Variants in IQCM observed in about 807,000 individuals in gnomAD.
IQCM encodes IQ motif containing M, also known as IQ domain-containing protein M.
Under a neutral mutation model 57.6 loss-of-function variants are expected in IQCM, and 45 were observed. The observed-to-expected ratio is 0.78, with a 90% CI of 0.62 to 1.00. The LOEUF (loss-of-function observed/expected upper bound fraction) is 1.00. Among genes scored for constraint, IQCM ranks in the 50% least tolerant of loss-of-function variants. The probability of loss-of-function intolerance (pLI) is 0.00; values close to 1 mark genes in which losing one functional copy is unlikely to be tolerated. For synonymous variants in IQCM, 148 were observed against 158.9 expected (o/e 0.93, Z 0.51); for missense variants, 468 against 511.6 (o/e 0.91, Z 0.82).
At position 149,589,475 on chromosome 4, in the gene IQCM, C is replaced by T. The variant is rs1752926239; in HGVS notation, c.682-1478G>A. On this transcript the variant is annotated intron_variant, in intron 8 of 13. Coordinates refer to ENST00000636793, the MANE Select transcript of IQCM (RefSeq NM_001363507.2). ...CGTGGAAGAAAGTGTGTTTATCCTG[C>T]AAAAATACTCAGCATTGACATACAC... is the stretch of plus-strand genomic sequence containing the variant. 4.6e-5 allele frequency among the ~76,000 whole-genome samples: 7 copies of T among 152,044 alleles called. No individual in the cohort carries two copies. The South Asian group carries it at 1.4e-3, about 31-fold the overall frequency.
intron 8 of IQCM, among the ~76,000 whole-genome samples, chr4:149,610,554 A>G (rs749727110): frequency 2.6e-5 from 4 of 152,058 alleles, no homozygotes; most frequent in African/African-American, 4.8e-5. Flanking sequence ...CAGAGAAACA[A>G]GAAGTAAATT....
chr4:149,360,834 T>C (rs183012759), intron 13 of IQCM, among the ~76,000 whole-genome samples: 261 of 152,174 alleles, frequency 1.7e-3, no homozygotes, highest in African/African-American at 6.0e-3. Context: ...ACCAGCAGAG[T>C]GGGGCATTGT....
intron 7 of IQCM, among the ~76,000 whole-genome samples, chr4:149,678,870 A>C (rs1761967548): frequency 6.6e-6 from 1 of 151,718 alleles, no homozygotes; most frequent in Non-Finnish European, 1.5e-5. Flanking sequence ...TTCTATCAAA[A>C]AGACAGGCAA....
intron 2 of IQCM, among the ~76,000 whole-genome samples, chr4:149,812,722 C>A (rs192697887): frequency 6.6e-6 from 1 of 152,160 alleles, no homozygotes; most frequent in Admixed American, 6.6e-5. Context: ...TACTTTATTT[C>A]TGCCCTTATA....
intron 2 of IQCM, among the ~76,000 whole-genome samples, chr4:149,798,008 C>A (rs1773272033): frequency 6.6e-6 from 1 of 151,560 alleles, no homozygotes; most frequent in Admixed American, 6.6e-5. Flanking sequence ...ACAAAACTCA[C>A]TGGTAATAGT....
rs1729982006 is a variant in IQCM, at chr4:149,368,315, A to G, written c.1391-16249T>C. 2.6e-5 allele frequency among the ~76,000 whole-genome samples: 4 copies of G among 151,996 alleles called. No homozygotes were observed. The South Asian group carries it at 8.3e-4, about 31-fold the overall frequency. ...TTATATAATCAACCTTCTTAGAAGT[A>G]TTGATGTTATAAACTATGAGAATAG... is the stretch of plus-strand genomic sequence containing the variant. On this transcript the variant is annotated intron_variant, in intron 13 of 13. Transcript: ENST00000636793.
At chr4:149,381,636 T>C (rs561239425) in intron 13 of IQCM, among the ~76,000 whole-genome samples, 1 of 152,238 alleles carries the variant, frequency 6.6e-6, no homozygotes, top group African/African-American at 2.4e-5. Flanking sequence ...AACTTCTGAG[T>C]GCAGTTTTTC....
intron 7 of IQCM, among the ~76,000 whole-genome samples, chr4:149,629,659 A>AT (rs1757092168): frequency 6.6e-6 from 1 of 152,112 alleles, no homozygotes; most frequent in Non-Finnish European, 1.5e-5. Context: ...ATGTTTTGCA[A>AT]TTAATCATAA....
At chr4:149,499,131 G>C (rs1742977263) in intron 12 of IQCM, among the ~76,000 whole-genome samples, 1 of 152,074 alleles carries the variant, frequency 6.6e-6, no homozygotes, top group Non-Finnish European at 1.5e-5. Flanking sequence ...AGCAGAGAAA[G>C]CATATATTCA....
At chr4:149,754,295 A>G (rs1297157960) in intron 2 of IQCM, among the ~76,000 whole-genome samples, 3 of 152,192 alleles carry the variant, frequency 2.0e-5, no homozygotes. Flanking sequence ...CTGAAGGGTC[A>G]ACTCAACATT....
At chr4:149,584,605 C>T (rs1752488918) in intron 9 of IQCM, among the ~76,000 whole-genome samples, 1 of 151,352 alleles carries the variant, frequency 6.6e-6, no homozygotes, top group Non-Finnish European at 1.5e-5. Flanking sequence ...AACATTATAG[C>T]TCTGTTTAAT....
intron 5 of IQCM, among the ~76,000 whole-genome samples, chr4:149,725,804 C>T (rs1476070681): frequency 4.6e-5 from 7 of 152,104 alleles, no homozygotes; most frequent in Non-Finnish European, 5.9e-5. Context: ...TTTCATCCTT[C>T]CTCGAACCAG....
At chr4:149,792,476 G>A (rs1258821032) in intron 2 of IQCM, among the ~76,000 whole-genome samples, 1 of 151,924 alleles carries the variant, frequency 6.6e-6, no homozygotes, top group Non-Finnish European at 1.5e-5. Context: ...TAATTTAAAG[G>A]GTCATGTTAT....
At chr4:149,742,820 T>C (rs897187385) in intron 2 of IQCM, 81 bp from the exon 3 acceptor site, 4 of 588,390 alleles carry the variant, frequency 6.8e-6, no homozygotes, top group East Asian at 7.0e-5. Context: ...CATAGGTAAA[T>C]AGGGTGAATG....
In IQCM at chr4:149,688,160, G is replaced by C. The variant is rs140594638; in HGVS notation, c.386-1692C>G. The stretch of plus-strand genomic sequence containing the variant: ...AAATCTCTAAAGAGGAAGTCAAACT[G>C]TCACTGTTTGCTGAAGATATGATCA... On this transcript the variant is annotated intron_variant, in intron 5 of 13. Coordinates refer to ENST00000636793, the MANE Select transcript of IQCM (RefSeq NM_001363507.2). Among the ~76,000 whole-genome samples, 198 of 151,938 alleles carry C rather than the reference G, an allele frequency of 1.3e-3. 1 individual carries two copies. The highest frequency in any genetic ancestry group is 4.4e-3 in the African/African-American group (184 of 41,470).
At chr4:149,756,561 G>C (rs1768985502) in intron 2 of IQCM, among the ~76,000 whole-genome samples, 2 of 151,924 alleles carry the variant, frequency 1.3e-5, no homozygotes, top group Non-Finnish European at 2.9e-5. Context: ...GAACCCAAAA[G>C]AATGAATGGA....
intron 7 of IQCM, among the ~76,000 whole-genome samples, chr4:149,671,144 T>C (rs919107130): frequency 6.6e-6 from 1 of 152,020 alleles, no homozygotes; most frequent in Non-Finnish European, 1.5e-5. Context: ...TAGGCTATTA[T>C]TGCCTCAATT....
At chr4:149,771,582 G>C in intron 2 of IQCM, among the ~76,000 whole-genome samples, 1 of 151,970 alleles carries the variant, frequency 6.6e-6, no homozygotes, top group East Asian at 1.9e-4. Context: ...TTCTTGGTTG[G>C]TTACTTGGTT....
chr4:149,389,719 C>T (rs578022399), intron 13 of IQCM, among the ~76,000 whole-genome samples: 5 of 68,672 alleles, frequency 7.3e-5, no homozygotes, highest in Non-Finnish European at 1.4e-4. Flanking sequence ...GGGTTGGGGG[C>T]GGGGGGAGGG....
Sources: allele counts gnomAD v4.1 joint callset (sites outside exome capture counted in the v4.1 genomes callset), GRCh38; gene constraint gnomAD v4.1.1; transcripts MANE v1.5; gene names NCBI Gene and HGNC (gene_info 2026-07-23, HGNC 2026-07-21).